The following ASTN2 variants were observed in gnomAD, a reference collection of about 807,000 sequenced individuals.
ASTN2 encodes astrotactin-2.
A neutral mutation model predicts 139.8 loss-of-function variants in ASTN2; 54 were observed. The observed-to-expected ratio is 0.39, with a 90% confidence interval of 0.31 to 0.48. The LOEUF is 0.48. Among genes scored for constraint, ASTN2 ranks in the 20% least tolerant of loss-of-function variants. The probability of loss-of-function intolerance (pLI) is 0.95; values close to 1 mark genes in which losing one functional copy is unlikely to be tolerated. For synonymous variants in ASTN2, 756 were observed against 719.5 expected (o/e 1.05, Z -0.81); for missense variants, 1,565 against 1,725.1 (o/e 0.91, Z 1.64).
At chr9:116,624,642 A>G (rs550872960) in intron 17 of ASTN2, among the ~76,000 whole-genome samples, 2 of 152,218 alleles carry the variant, frequency 1.3e-5, no homozygotes, top group Non-Finnish European at 2.9e-5. Flanking sequence ...TCCACACTCT[A>G]TACTTCAAAT....
chr9:117,194,525 GCACA>G (rs1356419290), intron 3 of ASTN2, among the ~76,000 whole-genome samples: 3 of 152,162 alleles, frequency 2.0e-5, no homozygotes, highest in African/African-American at 7.2e-5. Context: ...AGAGATGTGC[GCACA>G]CACATTCACA....
intron 10 of ASTN2, among the ~76,000 whole-genome samples, chr9:116,967,129 T>C (rs575314297): frequency 5.3e-4 from 80 of 152,284 alleles, no homozygotes; most frequent in African/African-American, 1.9e-3. Context: ...ACTTAAGACA[T>C]TGACACCAAG....
At chr9:117,165,794 T>C (rs760129713) in intron 3 of ASTN2, among the ~76,000 whole-genome samples, 5 of 151,988 alleles carry the variant, frequency 3.3e-5, no homozygotes, top group African/African-American at 4.8e-5. Flanking sequence ...TCTATCAAAA[T>C]GAAATAATAC....
intron 5 of ASTN2, among the ~76,000 whole-genome samples, chr9:117,071,984 G>A (rs77641255): frequency 0.05 from 7,560 of 152,240 alleles, 300 homozygotes; most frequent in East Asian, 0.18. Flanking sequence ...AGTCAGTCAC[G>A]CTGGGAGCTG....
chr9:117,050,026 C>T (rs542575980), intron 5 of ASTN2, among the ~76,000 whole-genome samples: 2 of 152,102 alleles, frequency 1.3e-5, no homozygotes, highest in Non-Finnish European at 2.9e-5. Flanking sequence ...GACTATCAAT[C>T]GACTGGTGCT....
intron 5 of ASTN2, among the ~76,000 whole-genome samples, chr9:117,091,470 G>T (rs781260023): frequency 6.6e-6 from 1 of 152,146 alleles, no homozygotes; most frequent in Non-Finnish European, 1.5e-5. Flanking sequence ...GTCTACAAAG[G>T]GGGGTACAGC....
chr9:117,123,769 T>C (rs1306686362), intron 4 of ASTN2, among the ~76,000 whole-genome samples: 2 of 152,138 alleles, frequency 1.3e-5, no homozygotes, highest in Non-Finnish European at 2.9e-5. Flanking sequence ...CATTCCTCCC[T>C]ACCCACCTCT....
At chr9:117,180,823 T>G (rs1831044381) in intron 3 of ASTN2, 2 of 1,548,816 alleles carry the variant, frequency 1.3e-6, no homozygotes, top group Non-Finnish European at 1.8e-6. Flanking sequence ...AACATTGAAC[T>G]TGGTGAAGCC....
chr9:117,257,093 C>A (rs1001505674), intron 2 of ASTN2, among the ~76,000 whole-genome samples: 1 of 152,198 alleles, frequency 6.6e-6, no homozygotes, highest in Non-Finnish European at 1.5e-5. Context: ...CACATACACA[C>A]AAAGATACAC....
At chr9:116,568,476 C>A (rs1407275759) in intron 19 of ASTN2, 1 of 152,228 alleles carries the variant, frequency 6.6e-6, no homozygotes, top group South Asian at 2.1e-4. Context: ...ATCTTCAGAA[C>A]CTGAATCGGT....
intron 20 of ASTN2, among the ~76,000 whole-genome samples, chr9:116,459,317 G>A (rs1261020041): frequency 1.3e-5 from 2 of 151,938 alleles, no homozygotes; most frequent in Non-Finnish European, 2.9e-5. Flanking sequence ...GTAAGAAGAA[G>A]ACATAAGAGA....
intron 19 of ASTN2, chr9:116,579,032 CAAAA>C (rs1853843177): frequency 6.6e-6 from 1 of 151,424 alleles, no homozygotes; most frequent in Non-Finnish European, 1.5e-5. Flanking sequence ...CTGTGATTCT[CAAAA>C]TAGTAGAGTC....
At chr9:117,286,996 G>A (rs1834465811) in intron 2 of ASTN2, among the ~76,000 whole-genome samples, 1 of 152,200 alleles carries the variant, frequency 6.6e-6, no homozygotes, top group African/African-American at 2.4e-5. Flanking sequence ...GGATGGGCAA[G>A]ATGCAAAAAT....
intron 1 of ASTN2, among the ~76,000 whole-genome samples, chr9:117,381,172 T>C (rs768383824): frequency 2.6e-5 from 4 of 152,178 alleles, no homozygotes; most frequent in Admixed American, 6.5e-5. Context: ...TTATATGAAA[T>C]GTCCAGAATA....
chr9:116,498,410 C>T (rs998169979), intron 19 of ASTN2, among the ~76,000 whole-genome samples: 11 of 148,328 alleles, frequency 7.4e-5, no homozygotes, highest in Non-Finnish European at 5.9e-5. Context: ...CATAGCAAGA[C>T]CCCATCTCTA....
chr9:117,083,450 C>G (rs1828479868), intron 5 of ASTN2, among the ~76,000 whole-genome samples: 1 of 152,158 alleles, frequency 6.6e-6, no homozygotes, highest in South Asian at 2.1e-4. Context: ...CCCAAACTGA[C>G]AGTCAGGATT....
intron 4 of ASTN2, among the ~76,000 whole-genome samples, chr9:117,109,111 G>C (rs1262809754): frequency 6.6e-6 from 1 of 151,742 alleles, no homozygotes; most frequent in African/African-American, 2.4e-5. Context: ...TGAAACCCCC[G>C]TCTCTACTAA....
intron 19 of ASTN2, chr9:116,546,252 C>T (rs1426898182): frequency 6.6e-6 from 1 of 152,168 alleles, no homozygotes; most frequent in African/African-American, 2.4e-5. Flanking sequence ...GTTTGGTATA[C>T]AATGAGTTCC....
chr9:117,333,784 G>T (rs1362765780), intron 1 of ASTN2, among the ~76,000 whole-genome samples: 1 of 152,108 alleles, frequency 6.6e-6, no homozygotes, highest in African/African-American at 2.4e-5. Flanking sequence ...GATTACAGGC[G>T]TGATCCACTG....
Sources: gnomAD v4.1 joint callset for allele counts (sites outside exome capture counted in the v4.1 genomes callset) on GRCh38, gnomAD v4.1.1 for gene constraint, MANE v1.5 for transcripts, NCBI Gene and HGNC (gene_info 2026-07-23, HGNC 2026-07-21) for gene names.